Variants in TMEM44 observed in about 807,000 individuals in gnomAD.
TMEM44 encodes the protein transmembrane protein 44.
Under a neutral mutation model 47.8 loss-of-function variants are expected in TMEM44, and 43 were observed. The observed-to-expected ratio is 0.90, with a 90% CI of 0.70 to 1.16. The LOEUF (loss-of-function observed/expected upper bound fraction) is 1.16, where lower values mean the gene tolerates loss of function less well. TMEM44 is among the 50% of genes most tolerant of loss of function. The probability of loss-of-function intolerance (pLI) is 0.00; values close to 1 mark genes in which losing one functional copy is unlikely to be tolerated. For synonymous variants in TMEM44, 277 were observed against 238.8 expected (o/e 1.16, Z -1.48); for missense variants, 568 against 555.2 (o/e 1.02, Z -0.23).
intron 9 of TMEM44, among the ~76,000 whole-genome samples, chr3:194,592,194 C>T (rs551289330): frequency 8.7e-4 from 129 of 147,890 alleles, no homozygotes; most frequent in African/African-American, 3.1e-3. Flanking sequence ...GTCCGCAGTC[C>T]GGCCTGGGCG....
At chr3:194,618,914 G>A (rs950620356) in intron 5 of TMEM44, among the ~76,000 whole-genome samples, 1 of 152,202 alleles carries the variant, frequency 6.6e-6, no homozygotes, top group Non-Finnish European at 1.5e-5. Flanking sequence ...GCTTCTCCGT[G>A]GAGCAGCCGG....
intron 2 of TMEM44, among the ~76,000 whole-genome samples, chr3:194,626,843 C>T (rs1717239534): frequency 6.6e-6 from 1 of 151,690 alleles, no homozygotes; most frequent in South Asian, 2.1e-4. Context: ...GCCACCACGC[C>T]CGGCTAATTT....
Position 194,617,132 on chromosome 3 carries a change from C to A in TMEM44, c.750G>T (p.Leu250=). Residue 250 remains leucine (L), a synonymous_variant, in exon 6 of 10, where the codon CTG becomes CTT. Coordinates refer to ENST00000347147, the MANE Select transcript of TMEM44 (RefSeq NM_001011655.3). ...CCAGTGCCGCACGGCCGAGGGAGGT[C>A]AGGAACCAGGGTGTGGCCCGCAGCA... ...EYLLRATPWF[L]TSLGRAALDL... 1 of 1,558,324 alleles carries A rather than the reference C, an allele frequency of 6.4e-7. No individual in the cohort carries two copies. The highest frequency in any genetic ancestry group is 2.4e-5 in the East Asian group (1 of 41,748).
At chr3:194,626,045 A>T in intron 2 of TMEM44, 55 bp from the exon 3 acceptor site, 1 of 1,403,520 alleles carries the variant, frequency 7.1e-7, no homozygotes. Flanking sequence ...CTCAGCCCCT[A>T]CAGAGTTTGT....
chr3:194,595,496 T>G (rs757137412), intron 9 of TMEM44, among the ~76,000 whole-genome samples: 9 of 152,204 alleles, frequency 5.9e-5, no homozygotes, highest in African/African-American at 2.2e-4. Context: ...TTTGTCCAAC[T>G]CTTTACTCTT....
chr3:194,604,422 C>A lies in TMEM44; in HGVS notation c.1041G>T (p.Leu347=), dbSNP rs922159875. The A allele has an allele frequency of 1.0e-5, 16 of 1,525,774 alleles. No individual in the cohort carries two copies. The highest frequency in any genetic ancestry group is 1.3e-5 in the Non-Finnish European group (15 of 1,129,526). The allele number at this position is 1,525,774 out of a possible 1,614,324, so 94.5% of individuals were successfully genotyped here. Residue 347 remains leucine (L), a synonymous_variant, in exon 9 of 10, where the codon CTG becomes CTT. Coordinates refer to ENST00000347147, the MANE Select transcript of TMEM44 (RefSeq NM_001011655.3). ...CGGCGCTCGTCTGCCCGTCACCTGG[C>A]AGCCTGGTGGCACTGCAGCCTGCCT... The part of the protein sequence containing the change: ...VQQAGCSATR[L]PGDGQTSAGD...
intron 3 of TMEM44, 43 bp from the exon 4 acceptor site, chr3:194,623,738 A>G (rs748637869): frequency 6.2e-7 from 1 of 1,611,420 alleles, no homozygotes; most frequent in African/African-American, 1.3e-5. Flanking sequence ...TGGAAGCCAG[A>G]CCTTGTCAGA....
At chr3:194,607,368 T>C (rs563770431) in intron 8 of TMEM44, among the ~76,000 whole-genome samples, 13 of 152,342 alleles carry the variant, frequency 8.5e-5, no homozygotes, top group African/African-American at 2.9e-4. Flanking sequence ...TGTTCCTTTA[T>C]GGCAATGCAA....
chr3:194,621,464 G>T (rs1340473965), intron 5 of TMEM44, among the ~76,000 whole-genome samples: 2 of 152,156 alleles, frequency 1.3e-5, no homozygotes, highest in Admixed American at 1.3e-4. Flanking sequence ...CATGCAATGT[G>T]GTCTCCCAGC....
At chr3:194,603,334 C>T (rs1381524996) in intron 9 of TMEM44, among the ~76,000 whole-genome samples, 7 of 152,134 alleles carry the variant, frequency 4.6e-5, no homozygotes, top group Admixed American at 4.6e-4. Flanking sequence ...ACTAACACAG[C>T]AGGATGTAGC....
rs77069986 is a variant in TMEM44 at position 194,611,148 on chromosome 3, G to C, written c.913-128C>G. 7.1e-6 allele frequency: 5 copies of C among 708,578 alleles called. No individual in the cohort carries two copies. Among genetic ancestry groups the C allele is most frequent in the Non-Finnish European group, 1.2e-5 (5 of 402,922 alleles). The allele number at this position is 708,578 out of a possible 1,614,324, so 43.9% of individuals were successfully genotyped here. A position where few individuals can be genotyped will look rare whatever the true frequency, so the allele number is the denominator to read the frequency against. On this transcript the variant is annotated intron_variant, in intron 7 of 9. Coordinates refer to ENST00000347147, the MANE Select transcript of TMEM44 (RefSeq NM_001011655.3). This position sits in a 1 kb window ranked among gnomAD's most constrained non-coding sequence, Gnocchi z 4.2. ...TTCTCTCTCTCTTTTTTAACGGCAC[G>C]TCTCACTTTCTGCTTCCTATAAGAT...
chr3:194,596,551 G>A lies in TMEM44; in HGVS notation c.1176+7736C>T, dbSNP rs561659736. Among the ~76,000 whole-genome samples, 25 of 152,314 alleles carry A rather than the reference G, an allele frequency of 1.6e-4. No individual in the cohort carries two copies. In the East Asian group the frequency reaches 4.8e-3, roughly 29 times the overall value. ...TCACACCTGTAATCCCAGCCCTTTGGGAGGCTGAGGCGGGCAGATCACCTG... is the reference window on the plus strand; with the variant it reads ...TCACACCTGTAATCCCAGCCCTTTGAGAGGCTGAGGCGGGCAGATCACCTG... On this transcript the variant is annotated intron_variant, in intron 9 of 9. Transcript: ENST00000347147.
In TMEM44 at chr3:194,630,403, C is replaced by A. The variant is rs1479905566; in HGVS notation, c.138-1894G>T. 1.6e-5 allele frequency among the ~76,000 whole-genome samples: 2 copies of A among 124,976 alleles called. 1 individual carries two copies. Among genetic ancestry groups the A allele is most frequent in the African/African-American group, 6.4e-5 (2 of 31,076 alleles). 82.0% of individuals were successfully genotyped at this position (124,976 alleles called of 152,430 possible). On this transcript the variant is annotated intron_variant, in intron 1 of 9. Coordinates refer to ENST00000347147, the MANE Select transcript of TMEM44 (RefSeq NM_001011655.3). Reference sequence around the variant, plus strand: ...GGGCTGGCTGTTTCCGTCGGCATCACTGATAGGGCCCCTGAAATAATACGC... The same window carrying A: ...GGGCTGGCTGTTTCCGTCGGCATCAATGATAGGGCCCCTGAAATAATACGC...
intron 9 of TMEM44, among the ~76,000 whole-genome samples, chr3:194,600,290 G>A (rs1257148552): frequency 2.7e-5 from 4 of 150,452 alleles, no homozygotes; most frequent in African/African-American, 9.8e-5. Context: ...GTAGAGACGG[G>A]GTTTGTATTT....
At chr3:194,612,920 G>A (rs1310931898) in intron 7 of TMEM44, among the ~76,000 whole-genome samples, 1 of 152,096 alleles carries the variant, frequency 6.6e-6, no homozygotes, top group African/African-American at 2.4e-5. Context: ...CCAAAGTGCT[G>A]GGACTACAGG....
At chr3:194,617,765 C>CGGAGGT (rs1716093639) in intron 5 of TMEM44, 1 of 703,228 alleles carries the variant, frequency 1.4e-6, no homozygotes, top group African/African-American at 1.7e-5. Flanking sequence ...TCCCCAGTGT[C>CGGAGGT]GGAGGTGGGG....
At chr3:194,604,144 G>A (rs890685667) in intron 9 of TMEM44, 143 bp downstream of exon 9, 7 of 1,080,388 alleles carry the variant, frequency 6.5e-6, no homozygotes, top group South Asian at 1.6e-5. Context: ...GTGAGCCACC[G>A]CGCCTGGCCT....
At chr3:194,608,469 A>G (rs111354207) in intron 8 of TMEM44, among the ~76,000 whole-genome samples, 3 of 152,384 alleles carry the variant, frequency 2.0e-5, no homozygotes, top group African/African-American at 7.2e-5. Flanking sequence ...ACATCTCAGC[A>G]GGACACAGAC....
intron 9 of TMEM44, among the ~76,000 whole-genome samples, chr3:194,598,816 G>A (rs9843937): frequency 2.6e-5 from 4 of 151,628 alleles, no homozygotes; most frequent in African/African-American, 4.8e-5. Context: ...CAGAGTTAAG[G>A]TGCCAAATCA....
Sources: allele counts gnomAD v4.1 joint callset (sites outside exome capture counted in the v4.1 genomes callset), GRCh38; gene constraint gnomAD v4.1.1; non-coding constraint Gnocchi (gnomAD v3.1); transcripts MANE v1.5; gene names NCBI Gene and HGNC (gene_info 2026-07-23, HGNC 2026-07-21).